COL23A1: variants seen among roughly 807,000 people sequenced by gnomAD.
COL23A1 encodes the protein collagen type XXIII alpha 1 chain.
A neutral mutation model predicts 99.3 loss-of-function variants in COL23A1; 97 were observed. The ratio of observed to expected loss-of-function variants is 0.98; its 90% CI spans 0.83 to 1.16. COL23A1 has a LOEUF of 1.16. Among genes scored for constraint, COL23A1 ranks in the 50% most tolerant of loss-of-function variants. COL23A1 has a pLI of 0.00. For missense variants in COL23A1, 762 were observed against 757.4 expected, an observed-to-expected ratio of 1.01 and a Z score of -0.07; for synonymous variants, 320 against 308.2, an observed-to-expected ratio of 1.04 and a Z score of -0.40.
rs893366722 is a variant in COL23A1, at chr5:178,463,240, T to C, written c.361+97442A>G. On this transcript the variant is annotated intron_variant, in intron 2 of 28. Coordinates refer to ENST00000390654, the MANE Select transcript of COL23A1 (RefSeq NM_173465.4). ...TCAGGCTAGGTAAGATGCAAGTAAATTAAGGATTTCTTTCTATTCTTTCCA... is the reference window on the plus strand; with the variant it reads ...TCAGGCTAGGTAAGATGCAAGTAAACTAAGGATTTCTTTCTATTCTTTCCA... Among the ~76,000 whole-genome samples the C allele has an allele frequency of 7.9e-5, 12 of 152,340 alleles. No individual in the cohort carries two copies. In the East Asian group the frequency reaches 1.7e-3, roughly 22 times the overall value.
At chr5:178,405,636 C>T (rs1224157375) in intron 2 of COL23A1, among the ~76,000 whole-genome samples, 3 of 152,124 alleles carry the variant, frequency 2.0e-5, no homozygotes, top group Non-Finnish European at 2.9e-5. Context: ...GGATGCACGA[C>T]GACCACCACT....
intron 2 of COL23A1, among the ~76,000 whole-genome samples, chr5:178,386,730 G>A (rs1160821414): frequency 6.6e-6 from 1 of 152,146 alleles, no homozygotes; most frequent in Non-Finnish European, 1.5e-5. Context: ...TGCCCCGTCA[G>A]GAGTCTGAGC....
chr5:178,490,819 G>C (rs1232037148), intron 2 of COL23A1, among the ~76,000 whole-genome samples: 4 of 152,110 alleles, frequency 2.6e-5, no homozygotes, highest in Non-Finnish European at 5.9e-5. Flanking sequence ...TGTTATGTAT[G>C]TTTTACCACA....
intron 5 of COL23A1, among the ~76,000 whole-genome samples, chr5:178,275,525 G>A (rs149359698): frequency 1.2e-3 from 189 of 152,266 alleles, no homozygotes; most frequent in Non-Finnish European, 1.2e-3. Flanking sequence ...GGGAAGAAGG[G>A]AGGGGGAGGA....
intron 2 of COL23A1, chr5:178,344,807 G>C (rs1014058059): frequency 3.0e-5 from 18 of 603,650 alleles, no homozygotes; most frequent in Non-Finnish European, 8.9e-6. Context: ...TCTTTGTTAA[G>C]ATCACTGTAG....
chr5:178,249,106 C>A lies in COL23A1; in HGVS notation c.1149+11G>T, dbSNP rs1764872712. ...AGGAGGCGTAATGTGTGGCCCAACCCAGCCACATACCGGGAGGCCGGACAA... is the reference window on the plus strand; with the variant it reads ...AGGAGGCGTAATGTGTGGCCCAACCAAGCCACATACCGGGAGGCCGGACAA... On this transcript the variant is annotated intron_variant, in intron 19 of 28. Coordinates refer to ENST00000390654, the MANE Select transcript of COL23A1 (RefSeq NM_173465.4). The A allele has an allele frequency of 1.2e-6, 2 of 1,613,186 alleles. No individual in the cohort carries two copies.
intron 2 of COL23A1, among the ~76,000 whole-genome samples, chr5:178,532,027 T>C (rs2113216501): frequency 6.6e-6 from 1 of 152,316 alleles, no homozygotes; most frequent in South Asian, 2.1e-4. Flanking sequence ...AGTGGAAAGA[T>C]GCAACCAGCC....
chr5:178,349,104 C>T (rs1761154879), intron 2 of COL23A1, among the ~76,000 whole-genome samples: 1 of 152,196 alleles, frequency 6.6e-6, no homozygotes, highest in South Asian at 2.1e-4. Flanking sequence ...ACCAAATTCT[C>T]AGCACAGCGA....
intron 2 of COL23A1, among the ~76,000 whole-genome samples, chr5:178,331,738 T>C (rs1477908459): frequency 2.6e-5 from 4 of 152,114 alleles, no homozygotes; most frequent in Non-Finnish European, 4.4e-5. Flanking sequence ...ATCCCAGCTG[T>C]TATCAGCTGC....
chr5:178,455,130 A>G (rs1347101811), intron 2 of COL23A1, among the ~76,000 whole-genome samples: 2 of 152,252 alleles, frequency 1.3e-5, no homozygotes, highest in Admixed American at 1.3e-4. Flanking sequence ...TACATCTGCA[A>G]AAGACCCTAT....
rs1216960448 is a variant in COL23A1 at position 178,306,300 on chromosome 5, T to C, written c.406+575A>G. On this transcript the variant is annotated intron_variant, in intron 3 of 28. Transcript: ENST00000390654. This position sits in a 1 kb window ranked among gnomAD's most constrained non-coding sequence, Gnocchi z 4.1. ...GTCAGCATGACTTTAGCTAAGACGA[T>C]GTCAGAGGGGCTTAGGGAAGTCCCT... Among the ~76,000 whole-genome samples the C allele has an allele frequency of 1.0e-5, 1 of 98,674 alleles. No individual in the cohort carries two copies. The highest frequency in any genetic ancestry group is 3.2e-4 in the East Asian group (1 of 3,108). 64.7% of individuals were successfully genotyped at this position (98,674 alleles called of 152,430 possible).
chr5:178,399,466 G>A (rs758501101), intron 2 of COL23A1, among the ~76,000 whole-genome samples: 2 of 152,212 alleles, frequency 1.3e-5, no homozygotes, highest in Non-Finnish European at 2.9e-5. Context: ...GTTGAAGCCA[G>A]TCTCTCTTGT....
intron 2 of COL23A1, among the ~76,000 whole-genome samples, chr5:178,464,645 G>A (rs1756316904): frequency 1.3e-5 from 2 of 152,220 alleles, no homozygotes; most frequent in Non-Finnish European, 2.9e-5. Context: ...GCTCCGTGCT[G>A]CTAGAGCTTC....
In COL23A1 at chr5:178,544,370, G is replaced by A. The variant is rs959772625; in HGVS notation, c.361+16312C>T. Among the ~76,000 whole-genome samples, 1 of 152,208 alleles carries A rather than the reference G, an allele frequency of 6.6e-6. No homozygotes were observed. The highest frequency in any genetic ancestry group is 2.4e-5 in the African/African-American group (1 of 41,452). On this transcript the variant is annotated intron_variant, in intron 2 of 28. Coordinates refer to ENST00000390654, the MANE Select transcript of COL23A1 (RefSeq NM_173465.4). The surrounding 1 kb of genome is among the most constrained non-coding windows in gnomAD (Gnocchi z 4.4). Reference sequence around the variant, plus strand: ...AGTCGGCGGATGCGCACTTCAGGGAGGACGCAGGCGCAGGGCCGGGGAGCT... The same window carrying A: ...AGTCGGCGGATGCGCACTTCAGGGAAGACGCAGGCGCAGGGCCGGGGAGCT...
At chr5:178,389,994 G>T (rs966615916) in intron 2 of COL23A1, among the ~76,000 whole-genome samples, 1 of 152,188 alleles carries the variant, frequency 6.6e-6, no homozygotes, top group African/African-American at 2.4e-5. Context: ...TAGCAGCGGG[G>T]TGCTCAGAGA....
chr5:178,294,024 C>T (rs144696050), intron 3 of COL23A1, among the ~76,000 whole-genome samples: 96 of 152,090 alleles, frequency 6.3e-4, no homozygotes, highest in African/African-American at 1.3e-3. Flanking sequence ...GGGCTGGAAC[C>T]GACTAGCAAT....
intron 2 of COL23A1, among the ~76,000 whole-genome samples, chr5:178,556,288 T>C (rs1465514920): frequency 6.6e-6 from 1 of 151,878 alleles, no homozygotes; most frequent in Non-Finnish European, 1.5e-5. Context: ...TGTTGCGTTA[T>C]TAAAAAAAAA....
chr5:178,440,516 T>C (rs1005127455), intron 2 of COL23A1, among the ~76,000 whole-genome samples: 1 of 152,238 alleles, frequency 6.6e-6, no homozygotes, highest in Non-Finnish European at 1.5e-5. Context: ...TGAAATCAAC[T>C]GTGCTCTAAC....
chr5:178,429,116 C>T (rs1415416829), intron 2 of COL23A1, among the ~76,000 whole-genome samples: 1 of 152,206 alleles, frequency 6.6e-6, no homozygotes, highest in African/African-American at 2.4e-5. Context: ...ATGCCAGGCA[C>T]CAGGGCATTT....
Sources: allele counts gnomAD v4.1 joint callset (sites outside exome capture counted in the v4.1 genomes callset), GRCh38; gene constraint gnomAD v4.1.1; non-coding constraint Gnocchi (gnomAD v3.1); transcripts MANE v1.5; gene names NCBI Gene and HGNC (gene_info 2026-07-23, HGNC 2026-07-21).